Variants in FANCI observed in about 807,000 individuals in gnomAD.
FANCI encodes FA complementation group I.
FANCI carries 156 observed loss-of-function variants against 176.1 expected under a neutral mutation model. The observed-to-expected ratio is 0.89, with a 90% CI of 0.78 to 1.01. FANCI has a LOEUF of 1.01. Among genes scored for constraint, FANCI ranks in the 50% least tolerant of loss-of-function variants. FANCI has a pLI of 0.00. For synonymous variants in FANCI, 613 were observed against 541.7 expected (o/e 1.13, Z -1.83); for missense variants, 1,678 against 1,534.1 (o/e 1.09, Z -1.57).
chr15:89,308,304 C>T, intron 34 of FANCI: 1 of 401,496 alleles, frequency 2.5e-6, no homozygotes, highest in Non-Finnish European at 3.4e-6. Context: ...CTAGTTTTAA[C>T]AGCCAAAAAT....
intron 1 of FANCI, among the ~76,000 whole-genome samples, chr15:89,244,610 C>T (rs1275353361): frequency 6.6e-6 from 1 of 152,060 alleles, no homozygotes; most frequent in Non-Finnish European, 1.5e-5. Flanking sequence ...TAAACGTATC[C>T]CCCTCCGAAG....
intron 19 of FANCI, 88 bp downstream of exon 19, chr15:89,290,369 A>G: frequency 2.9e-6 from 3 of 1,021,382 alleles, no homozygotes; most frequent in South Asian, 2.6e-5. Flanking sequence ...AAAATATAAA[A>G]TAATTCCCAA....
chr15:89,273,904 T>G (rs1005317629), intron 11 of FANCI, among the ~76,000 whole-genome samples: 7 of 152,226 alleles, frequency 4.6e-5, no homozygotes, highest in African/African-American at 1.7e-4. Context: ...TTAGCCTTTT[T>G]TCCCCCTTTT....
intron 14 of FANCI, among the ~76,000 whole-genome samples, chr15:89,279,923 A>G (rs1010188699): frequency 1.3e-4 from 20 of 152,206 alleles, no homozygotes; most frequent in Admixed American, 3.3e-4. Context: ...TTCTCCCTGC[A>G]GCAATTTAAC....
intron 1 of FANCI, chr15:89,244,392 G>T (rs181117405): frequency 1.3e-5 from 2 of 152,370 alleles, no homozygotes; most frequent in East Asian, 3.9e-4. Context: ...TGCGCTCACG[G>T]CTTGTTAACT....
intron 2 of FANCI, among the ~76,000 whole-genome samples, chr15:89,255,233 G>A (rs1272102052): frequency 3.3e-5 from 5 of 152,082 alleles, no homozygotes; most frequent in Non-Finnish European, 5.9e-5. Flanking sequence ...CTCATGATTG[G>A]ACCAATGTCT....
At position 89,306,059 on chromosome 15, in the gene FANCI, C is replaced by T; in HGVS notation, c.3402C>T (p.Ile1134=). 2 of 1,614,204 alleles carry T rather than the reference C, an allele frequency of 1.2e-6. No individual in the cohort carries two copies. Among genetic ancestry groups the T allele is most frequent in the African/African-American group, 1.3e-5 (1 of 75,056 alleles). Residue 1134 remains isoleucine, a synonymous_variant, in exon 32 of 38, where the codon ATC becomes ATT. Coordinates refer to ENST00000310775, the MANE Select transcript of FANCI (RefSeq NM_001113378.2). ...TLPNQPVEKA[I]IMQLGTLLTF... ...CAAATCAGCCTGTTGAGAAAGCTAT[C>T]ATCATGCAACTGGGAACTCTGCTTA...
At chr15:89,301,613 T>C (rs1486979715) in intron 27 of FANCI, among the ~76,000 whole-genome samples, 171 bp downstream of exon 27, 1 of 152,244 alleles carries the variant, frequency 6.6e-6, no homozygotes, top group Non-Finnish European at 1.5e-5. Context: ...CTTTCCTGTG[T>C]AATGCGTCTA....
At chr15:89,291,052 G>A (rs922181634) in intron 19 of FANCI, among the ~76,000 whole-genome samples, 2 of 152,084 alleles carry the variant, frequency 1.3e-5, no homozygotes, top group Non-Finnish European at 2.9e-5. Context: ...ATAGAATAGC[G>A]CTTTCTGACT....
chr15:89,290,082 G>A lies in FANCI; in HGVS notation c.1822-131G>A, dbSNP rs562163204. ...TGGTCATTTATATTAGGGCATTTAG[G>A]ACTGTCAAATATGGTCTCAATAGGA... On this transcript the variant is annotated intron_variant, in intron 18 of 37. Coordinates refer to ENST00000310775, the MANE Select transcript of FANCI (RefSeq NM_001113378.2). 14 of 750,884 alleles carry A rather than the reference G, an allele frequency of 1.9e-5. 1 individual carries two copies. The South Asian group carries it at 1.9e-4, about 10-fold the overall frequency. 46.5% of individuals were successfully genotyped at this position (750,884 alleles called of 1,614,324 possible). A position where few individuals can be genotyped will look rare whatever the true frequency, so the allele number is the denominator to read the frequency against.
Position 89,268,480 on chromosome 15 carries a change from CA to C in FANCI, c.840del (p.Lys280AsnfsTer6). On this transcript the variant is annotated frameshift_variant, in exon 10 of 38. Transcript: ENST00000310775. LOFTEE classifies it high-confidence loss of function. ...TTATTCTACACATTGTGTTTGCCAT[CA>C]AATTGGACTATGAACTAGGCAGAGA... Reference protein sequence around the residue: ...TIILHIVFAIKLDYELGRELV... With the variant: ...TIILHIVFAIXLDYELGRELV... 1 of 1,614,138 alleles carries C rather than the reference CA, an allele frequency of 6.2e-7. No individual in the cohort carries two copies. Among genetic ancestry groups the C allele is most frequent in the Non-Finnish European group, 8.5e-7 (1 of 1,180,022 alleles).
chr15:89,252,418 G>A (rs1286577007), intron 2 of FANCI, among the ~76,000 whole-genome samples: 1 of 152,108 alleles, frequency 6.6e-6, no homozygotes, highest in Non-Finnish European at 1.5e-5. Flanking sequence ...CAAGGTAGCA[G>A]AATATAAAAT....
At chr15:89,263,069 G>A (rs1017221109) in intron 6 of FANCI, among the ~76,000 whole-genome samples, 2 of 152,168 alleles carry the variant, frequency 1.3e-5, no homozygotes, top group Non-Finnish European at 2.9e-5. Context: ...CCTTTTATAA[G>A]CATGTACATG....
At chr15:89,304,611 C>T (rs2151906106) in intron 28 of FANCI, among the ~76,000 whole-genome samples, 1 of 152,186 alleles carries the variant, frequency 6.6e-6, no homozygotes, top group South Asian at 2.1e-4. Context: ...CTTCTTTGGG[C>T]ATGTGGATAA....
intron 18 of FANCI, among the ~76,000 whole-genome samples, chr15:89,286,529 A>G (rs977614538): frequency 2.0e-5 from 3 of 152,302 alleles, no homozygotes; most frequent in Non-Finnish European, 4.4e-5. Context: ...TGCACTATCA[A>G]TGAGCAGTAA....
intron 1 of FANCI, among the ~76,000 whole-genome samples, chr15:89,245,503 G>GAT (rs1240111051): frequency 6.6e-6 from 1 of 151,710 alleles, no homozygotes; most frequent in Admixed American, 6.6e-5. Flanking sequence ...GGCCTAGACT[G>GAT]AGCTTTTGAG....
In FANCI at chr15:89,305,671, G is replaced by C. The variant is rs772809628; in HGVS notation, c.3322G>C (p.Gly1108Arg). The change falls in exon 31 of 38, where the codon GGA (glycine) becomes CGA (arginine). Residue 1108 changes from glycine (G) to arginine (R), a missense_variant. Physicochemically the swap from Gly to Arg is moderately radical, Grantham distance 125. Coordinates refer to ENST00000310775, the MANE Select transcript of FANCI (RefSeq NM_001113378.2). ...EVDWLITKLK[G>R]QVSQETLSEE... ...GGACTGGCTAATCACCAAGCTTAAG[G>C]GACAAGTGAGCCAAGAAACCTTATC... is the stretch of plus-strand genomic sequence containing the variant. 6.2e-7 allele frequency: 1 copy of C among 1,614,156 alleles called. No individual in the cohort carries two copies. Among genetic ancestry groups the C allele is most frequent in the South Asian group, 1.1e-5 (1 of 91,078 alleles).
At position 89,296,971 on chromosome 15, in the gene FANCI, A is replaced by AC. The variant is rs575310390; in HGVS notation, c.2636+1885dup. On this transcript the variant is annotated intron_variant, in intron 24 of 37. Transcript: ENST00000310775. ...GGGCGGCTGGCCGGGCGGGGGGCTG[A>AC]CCCCCCCCACCTCCCTCCCGGACGG... Among the ~76,000 whole-genome samples, 961 of 96,866 alleles carry AC rather than the reference A, an allele frequency of 9.9e-3. 35 individuals carry two copies. Among genetic ancestry groups the AC allele is most frequent in the African/African-American group, 0.035 (836 of 24,198 alleles). The allele number at this position is 96,866 out of a possible 152,430, so 63.5% of individuals were successfully genotyped here. A position where few individuals can be genotyped will look rare whatever the true frequency, so the allele number is the denominator to read the frequency against.
chr15:89,303,779 GA>G, intron 27 of FANCI, 84 bp from the exon 28 acceptor site: 3 of 1,192,146 alleles, frequency 2.5e-6, no homozygotes, highest in Admixed American at 3.5e-5. Context: ...CTTAGATATG[GA>G]AAGGTCTAGA....
Sources: gnomAD v4.1 joint callset for allele counts (sites outside exome capture counted in the v4.1 genomes callset) on GRCh38, gnomAD v4.1.1 for gene constraint, MANE v1.5 for transcripts, NCBI Gene and HGNC (gene_info 2026-07-23, HGNC 2026-07-21) for gene names.